Variants in NPSR1 observed in about 807,000 individuals in gnomAD.
The protein encoded by NPSR1 is neuropeptide S receptor 1.
A neutral mutation model predicts 46.9 loss-of-function variants in NPSR1; 48 were observed. That is an observed-to-expected ratio of 1.02 (90% CI 0.81 to 1.30). The LOEUF (loss-of-function observed/expected upper bound fraction) is 1.30. NPSR1 is among the 50% of genes most tolerant of loss of function. The probability of loss-of-function intolerance (pLI) is 0.00; values close to 1 mark genes in which losing one functional copy is unlikely to be tolerated. For synonymous variants in NPSR1, 176 were observed against 168.1 expected, an observed-to-expected ratio of 1.05 and a Z score of -0.36; for missense variants, 450 against 449.5, an observed-to-expected ratio of 1.00 and a Z score of -0.01.
chr7:34,797,562 C>G (rs774438291), intron 3 of NPSR1, among the ~76,000 whole-genome samples: 1 of 151,970 alleles, frequency 6.6e-6, no homozygotes, highest in Admixed American at 6.6e-5. Flanking sequence ...AAGTGTAGCA[C>G]ACACATATAA....
At chr7:34,766,868 C>G (rs1414273147) in intron 2 of NPSR1, among the ~76,000 whole-genome samples, 1 of 152,084 alleles carries the variant, frequency 6.6e-6, no homozygotes, top group African/African-American at 2.4e-5. Flanking sequence ...CCACCGTGCC[C>G]GGCCTATGAT....
chr7:34,680,409 A>G (rs1196827946), intron 1 of NPSR1, among the ~76,000 whole-genome samples: 1 of 152,186 alleles, frequency 6.6e-6, no homozygotes, highest in African/African-American at 2.4e-5. Context: ...AAATTTTAAA[A>G]TATAAAACAC....
At chr7:34,836,244 T>G (rs1199724866) in intron 6 of NPSR1, among the ~76,000 whole-genome samples, 1 of 152,168 alleles carries the variant, frequency 6.6e-6, no homozygotes, top group East Asian at 1.9e-4. Context: ...TGCAGTTGGC[T>G]TTGGTTAAAA....
In NPSR1 at chr7:34,724,214, G is replaced by A. The variant is rs549261032; in HGVS notation, c.280+39530G>A. Reference sequence around the variant, plus strand: ...TGAAAAACACTATAGCTAGCATAAAGGAAAACTTCTGAACAGTGTAGCCAT... The same window carrying A: ...TGAAAAACACTATAGCTAGCATAAAAGAAAACTTCTGAACAGTGTAGCCAT... On this transcript the variant is annotated intron_variant, in intron 2 of 8. Coordinates refer to ENST00000360581, the MANE Select transcript of NPSR1 (RefSeq NM_207172.2). Among the ~76,000 whole-genome samples the A allele has an allele frequency of 9.9e-5, 15 of 152,206 alleles. No homozygotes were observed. In the South Asian group the frequency reaches 1.7e-3, roughly 17 times the overall value.
chr7:34,823,981 G>T (rs1789703406), intron 4 of NPSR1, among the ~76,000 whole-genome samples: 1 of 151,922 alleles, frequency 6.6e-6, no homozygotes, highest in Admixed American at 6.6e-5. Context: ...TTGAAGAAAG[G>T]ATCTTACTAC....
At chr7:34,822,024 A>G (rs1789582158) in intron 4 of NPSR1, among the ~76,000 whole-genome samples, 1 of 152,212 alleles carries the variant, frequency 6.6e-6, no homozygotes, top group South Asian at 2.1e-4. Context: ...AGAAACTTCT[A>G]AGAATTCCCA....
rs547673191 is a variant in NPSR1 at position 34,836,527 on chromosome 7, A to G, written c.757+2067A>G. ...AAACAATCATATATTAGATTGTTGT[A>G]TCATATGCTACAAGGAAATACACTC... On this transcript the variant is annotated intron_variant, in intron 6 of 8. Coordinates refer to ENST00000360581, the MANE Select transcript of NPSR1 (RefSeq NM_207172.2). Among the ~76,000 whole-genome samples the G allele has an allele frequency of 7.9e-5, 12 of 152,286 alleles. No individual in the cohort carries two copies. The South Asian group carries it at 2.5e-3, about 32-fold the overall frequency.
intron 8 of NPSR1, among the ~76,000 whole-genome samples, chr7:34,870,483 A>G (rs1277385765): frequency 4.0e-5 from 6 of 151,848 alleles, no homozygotes; most frequent in Non-Finnish European, 8.8e-5. Flanking sequence ...ATATTTAGGT[A>G]TAGTAATATG....
At chr7:34,740,929 G>C (rs893061004) in intron 2 of NPSR1, among the ~76,000 whole-genome samples, 1 of 152,106 alleles carries the variant, frequency 6.6e-6, no homozygotes, top group African/African-American at 2.4e-5. Context: ...CCTGTCCACC[G>C]TGAGCCTCTG....
intron 2 of NPSR1, among the ~76,000 whole-genome samples, chr7:34,712,495 C>A (rs914425275): frequency 3.9e-5 from 6 of 152,182 alleles, no homozygotes; most frequent in Non-Finnish European, 7.3e-5. Flanking sequence ...AATGTTCCAT[C>A]TATTTTTCTG....
intron 1 of NPSR1, among the ~76,000 whole-genome samples, chr7:34,675,632 G>T (rs1378746980): frequency 6.6e-6 from 1 of 152,216 alleles, no homozygotes; most frequent in African/African-American, 2.4e-5. Flanking sequence ...GCCAGCATGG[G>T]CATCCTTTTG....
chr7:34,687,218 T>G (rs1398952144), intron 2 of NPSR1, among the ~76,000 whole-genome samples: 3 of 151,998 alleles, frequency 2.0e-5, no homozygotes, highest in Non-Finnish European at 4.4e-5. Context: ...CTAGTTACAA[T>G]GATAAACAGA....
At chr7:34,709,931 C>T (rs181644686) in intron 2 of NPSR1, among the ~76,000 whole-genome samples, 5 of 152,168 alleles carry the variant, frequency 3.3e-5, no homozygotes, top group African/African-American at 4.8e-5. Context: ...AGATGGCAAA[C>T]GTGAGATTAT....
In NPSR1 at chr7:34,817,742, C is replaced by T. The variant is rs929172497; in HGVS notation, c.478+5879C>T. Among the ~76,000 whole-genome samples, 7 of 151,980 alleles carry T rather than the reference C, an allele frequency of 4.6e-5. No individual in the cohort carries two copies. In the South Asian group the frequency reaches 6.3e-4, roughly 14 times the overall value. ...ACCATGATCAAGTCGGCTTCATCCC[C>T]GGGATGGAAGGCTGGTTCAACATAT... On this transcript the variant is annotated intron_variant, in intron 4 of 8. Coordinates refer to ENST00000360581, the MANE Select transcript of NPSR1 (RefSeq NM_207172.2).
At position 34,694,754 on chromosome 7, in the gene NPSR1, G is replaced by A. The variant is rs1281724495; in HGVS notation, c.280+10070G>A. ...GAAATGGAGTCTCGCTCTGTCACCA[G>A]GCTGGAGTGCATTGGCACGATCTTG... On this transcript the variant is annotated intron_variant, in intron 2 of 8. Transcript: ENST00000360581. Among the ~76,000 whole-genome samples the A allele has an allele frequency of 2.0e-5, 3 of 152,152 alleles. No individual in the cohort carries two copies. The East Asian group carries it at 5.8e-4, about 29-fold the overall frequency.
intron 4 of NPSR1, among the ~76,000 whole-genome samples, chr7:34,824,304 G>A (rs761704304): frequency 3.3e-5 from 5 of 152,194 alleles, no homozygotes; most frequent in Admixed American, 6.5e-5. Flanking sequence ...AAGGCTAAGC[G>A]GCAGAGAAGT....
At chr7:34,711,862 C>T (rs975911412) in intron 2 of NPSR1, among the ~76,000 whole-genome samples, 5 of 152,230 alleles carry the variant, frequency 3.3e-5, no homozygotes, top group Admixed American at 6.5e-5. Context: ...TATAGCAGCA[C>T]TTCTCAACAC....
intron 6 of NPSR1, among the ~76,000 whole-genome samples, chr7:34,835,676 G>C (rs367626712): frequency 6.6e-6 from 1 of 152,134 alleles, no homozygotes; most frequent in African/African-American, 2.4e-5. Flanking sequence ...AGATACATAA[G>C]TCTGGGTTCT....
chr7:34,706,655 G>A (rs918440952), intron 2 of NPSR1, among the ~76,000 whole-genome samples: 18 of 151,884 alleles, frequency 1.2e-4, no homozygotes, highest in East Asian at 7.7e-4. Flanking sequence ...TTATTATCTC[G>A]TCTTTCACCT....
Sources: allele counts gnomAD v4.1 joint callset (sites outside exome capture counted in the v4.1 genomes callset), GRCh38; gene constraint gnomAD v4.1.1; transcripts MANE v1.5; gene names NCBI Gene and HGNC (gene_info 2026-07-23, HGNC 2026-07-21).